CWC25: variants seen among roughly 807,000 people sequenced by gnomAD.
CWC25 encodes the protein CWC25 spliceosome associated protein.
A neutral mutation model predicts 54.6 loss-of-function variants in CWC25; 31 were observed. The ratio of observed to expected loss-of-function variants is 0.57; its 90% CI spans 0.43 to 0.77. The LOEUF (loss-of-function observed/expected upper bound fraction) is 0.77, where lower values mean the gene tolerates loss of function less well. Among genes scored for constraint, CWC25 ranks in the 30% least tolerant of loss-of-function variants. The pLI is 0.00. For synonymous variants in CWC25, 151 were observed against 187.0 expected, an observed-to-expected ratio of 0.81 and a Z score of 1.57; for missense variants, 453 against 529.3, an observed-to-expected ratio of 0.86 and a Z score of 1.41.
chr17:38,810,644 G>A (rs1911447113), intron 4 of CWC25, 49 bp from the exon 5 acceptor site: 2 of 919,892 alleles, frequency 2.2e-6, no homozygotes, highest in Admixed American at 4.0e-5. Context: ...AGACCAGCCA[G>A]CGCAGTGGCT....
At chr17:38,824,927 G>A (rs1330486057) in intron 1 of CWC25, among the ~76,000 whole-genome samples, 2 of 152,060 alleles carry the variant, frequency 1.3e-5, no homozygotes, top group Non-Finnish European at 1.5e-5. Context: ...CGGTAGAGCC[G>A]CAGTCAACAA....
At chr17:38,807,450 T>G (rs1464806309) in intron 6 of CWC25, among the ~76,000 whole-genome samples, 1 of 139,772 alleles carries the variant, frequency 7.2e-6, no homozygotes, top group East Asian at 2.2e-4. Flanking sequence ...ATCTGCAGAA[T>G]CCCCTAAAAG....
At chr17:38,817,441 A>G (rs1410362957) in intron 2 of CWC25, among the ~76,000 whole-genome samples, 1 of 151,964 alleles carries the variant, frequency 6.6e-6, no homozygotes, top group African/African-American at 2.4e-5. Context: ...ACTTGAGGTC[A>G]GGAATTCAAG....
rs1475877197 is a variant in CWC25 at position 38,806,865 on chromosome 17, G to C, written c.802C>G (p.Pro268Ala). 2.2e-5 allele frequency: 36 copies of C among 1,613,900 alleles called. No individual in the cohort carries two copies. Among genetic ancestry groups the C allele is most frequent in the Non-Finnish European group, 3.1e-5 (36 of 1,179,872 alleles). Residue 268 changes from proline (P) to alanine (A), a missense_variant, in exon 7 of 10, where the codon CCA (proline) becomes GCA (alanine). Physicochemically the swap from Pro to Ala is conservative, Grantham distance 27. Transcript: ENST00000614790. ...SRSRSSSHSP[P>A]RHASKKSTRE... The stretch of plus-strand genomic sequence containing the variant: ...GTGCTCTTCTTGCTGGCATGTCTTG[G>C]GGGTGAGTGGGAGGAGCTTCTGGAT...
rs1159622960 is a variant in CWC25 at position 38,807,783 on chromosome 17, G to T, written c.691-807C>A. On this transcript the variant is annotated intron_variant, in intron 6 of 9. Transcript: ENST00000614790. ...AAAAAAAAAAAAAAAAGATGGCTGG[G>T]TGCTGTGGCTCATGCCTGTAATCCC... Among the ~76,000 whole-genome samples the T allele has an allele frequency of 2.9e-5, 4 of 138,976 alleles. 1 individual carries two copies. The allele number at this position is 138,976 out of a possible 152,430, so 91.2% of individuals were successfully genotyped here. A position where few individuals can be genotyped will look rare whatever the true frequency, so the allele number is the denominator to read the frequency against.
chr17:38,818,464 C>T (rs1378771298), intron 2 of CWC25, among the ~76,000 whole-genome samples: 1 of 150,476 alleles, frequency 6.6e-6, no homozygotes, highest in African/African-American at 2.4e-5. Flanking sequence ...TGGTGGCGGG[C>T]GCCTGTAGTC....
At chr17:38,817,318 T>C (rs1911743554) in intron 2 of CWC25, among the ~76,000 whole-genome samples, 2 of 146,216 alleles carry the variant, frequency 1.4e-5, no homozygotes, top group African/African-American at 5.1e-5. Context: ...CCAACGCAGG[T>C]GACAGTGCGA....
chr17:38,801,187 G>A lies in CWC25; in HGVS notation c.*905C>T, dbSNP rs527386131. On this transcript the variant is annotated 3_prime_UTR_variant, in exon 10 of 10. Coordinates refer to ENST00000614790, the MANE Select transcript of CWC25 (RefSeq NM_017748.5). The stretch of plus-strand genomic sequence containing the variant: ...TTACTACACGGTAAGAAGTGAAGCC[G>A]CAAAATAAAAACTTCCATTTTATTT... 3 of 151,916 alleles carry A rather than the reference G, an allele frequency of 2.0e-5. No individual in the cohort carries two copies. The highest frequency in any genetic ancestry group is 6.6e-5 in the Admixed American group (1 of 15,236). The allele number at this position is 151,916 out of a possible 1,614,324, so 9.4% of individuals were successfully genotyped here.
chr17:38,802,998 C>T (rs1911092032), intron 8 of CWC25, 137 bp from the exon 9 acceptor site: 1 of 941,658 alleles, frequency 1.1e-6, no homozygotes, highest in African/African-American at 1.6e-5. Flanking sequence ...AGCCTGAGTT[C>T]CCTTCTAACG....
intron 4 of CWC25, 53 bp downstream of exon 4, chr17:38,812,742 T>C: frequency 9.5e-7 from 1 of 1,057,792 alleles, no homozygotes; most frequent in Non-Finnish European, 1.4e-6. Context: ...AGAGACGTTC[T>C]CACGTTATAT....
intron 2 of CWC25, among the ~76,000 whole-genome samples, chr17:38,817,016 AAT>A (rs1044634543): frequency 1.3e-5 from 2 of 151,810 alleles, no homozygotes; most frequent in Non-Finnish European, 2.9e-5. Context: ...ATATTAAAAA[AAT>A]GAGTCTGAGA....
At chr17:38,810,431 A>G (rs980863739) in intron 5 of CWC25, 37 bp downstream of exon 5, 1 of 1,500,892 alleles carries the variant, frequency 6.7e-7, no homozygotes, top group African/African-American at 1.4e-5. Flanking sequence ...TGAGCAAGTG[A>G]ATCAACGAGA....
intron 2 of CWC25, among the ~76,000 whole-genome samples, chr17:38,818,825 G>T (rs1246721737): frequency 6.6e-6 from 1 of 151,894 alleles, no homozygotes; most frequent in African/African-American, 2.4e-5. Flanking sequence ...AACAATGCTG[G>T]CTCCTTTCTC....
intron 2 of CWC25, among the ~76,000 whole-genome samples, chr17:38,820,609 A>G (rs1352587283): frequency 1.3e-5 from 2 of 152,190 alleles, no homozygotes; most frequent in Non-Finnish European, 2.9e-5. Context: ...TCAGCCATCT[A>G]CTGTGAGCTC....
chr17:38,810,433 T>C, intron 5 of CWC25, 35 bp downstream of exon 5: 1 of 1,502,188 alleles, frequency 6.7e-7, no homozygotes, highest in Non-Finnish European at 8.9e-7. Context: ...AGCAAGTGAA[T>C]CAACGAGAAG....
Position 38,813,299 on chromosome 17 carries a change from C to CA in CWC25, c.429-436dup, listed in dbSNP as rs148118846. On this transcript the variant is annotated intron_variant, in intron 3 of 9. Transcript: ENST00000614790. ...CAACATGGTGAAACCTCGTCTCTAC[C>CA]AAAAAAAACAAAACAAAAAAATTAG... is the stretch of plus-strand genomic sequence containing the variant. Among the ~76,000 whole-genome samples the CA allele has an allele frequency of 1.5e-4, 22 of 150,532 alleles. No homozygotes were observed. The South Asian group carries it at 3.2e-3, about 22-fold the overall frequency.
intron 8 of CWC25, among the ~76,000 whole-genome samples, chr17:38,803,733 TA>T (rs35237821): frequency 0.14 from 19,992 of 141,858 alleles, 3,781 homozygotes; most frequent in African/African-American, 0.44. Context: ...GTAGGAGGCT[TA>T]AAAAAAAAAA....
At chr17:38,820,288 G>A (rs757589126) in intron 2 of CWC25, among the ~76,000 whole-genome samples, 6 of 152,072 alleles carry the variant, frequency 3.9e-5, no homozygotes, top group Non-Finnish European at 7.4e-5. Flanking sequence ...ACTGCATATT[G>A]TATGCTTTTT....
intron 8 of CWC25, among the ~76,000 whole-genome samples, chr17:38,805,851 C>T (rs915739816): frequency 3.3e-5 from 5 of 150,954 alleles, no homozygotes; most frequent in African/African-American, 7.3e-5. Context: ...CTTGCACTGT[C>T]GCCTGGGCTG....
Sources: allele counts gnomAD v4.1 joint callset (sites outside exome capture counted in the v4.1 genomes callset), GRCh38; gene constraint gnomAD v4.1.1; transcripts MANE v1.5; gene names NCBI Gene and HGNC (gene_info 2026-07-23, HGNC 2026-07-21).